Variants in CDH18 observed in about 807,000 individuals in gnomAD.
CDH18 encodes the protein cadherin-18.
A neutral mutation model predicts 67.9 loss-of-function variants in CDH18; 31 were observed. The observed-to-expected ratio is 0.46, with a 90% CI of 0.34 to 0.62. The LOEUF (loss-of-function observed/expected upper bound fraction) is 0.62. Among genes scored for constraint, CDH18 ranks in the 20% least tolerant of loss-of-function variants. CDH18 has a pLI of 0.01. For synonymous variants in CDH18, 362 were observed against 347.2 expected (o/e 1.04, Z -0.48); for missense variants, 890 against 975.5 (o/e 0.91, Z 1.17).
At chr5:20,535,756 TCTCA>T (rs771372949) in intron 1 of CDH18, among the ~76,000 whole-genome samples, 4 of 152,148 alleles carry the variant, frequency 2.6e-5, no homozygotes, top group Non-Finnish European at 5.9e-5. Flanking sequence ...AGTAGCTTCC[TCTCA>T]CTCACATGCA....
chr5:19,577,281 T>A (rs896940430), intron 7 of CDH18, among the ~76,000 whole-genome samples: 1 of 152,220 alleles, frequency 6.6e-6, no homozygotes, highest in African/African-American at 2.4e-5. Context: ...ATATTTGAAG[T>A]AACAGACATG....
At chr5:20,343,614 C>A (rs572161175) in intron 1 of CDH18, among the ~76,000 whole-genome samples, 46 of 152,156 alleles carry the variant, frequency 3.0e-4, no homozygotes, top group Non-Finnish European at 2.9e-5. Context: ...CAATGGTCAC[C>A]CTGAATGACA....
chr5:20,523,688 T>A (rs550029569), intron 1 of CDH18, among the ~76,000 whole-genome samples: 1 of 152,186 alleles, frequency 6.6e-6, no homozygotes, highest in East Asian at 1.9e-4. Flanking sequence ...TACAGGCATG[T>A]GCCAGCACGC....
chr5:19,478,785 A>G (rs1166577133), intron 12 of CDH18: 1 of 152,228 alleles, frequency 6.6e-6, no homozygotes, highest in Non-Finnish European at 1.5e-5. Context: ...GAGATGGGGT[A>G]AAGTTGGGAA....
At chr5:20,216,078 A>G (rs574522357) in intron 2 of CDH18, among the ~76,000 whole-genome samples, 4 of 151,944 alleles carry the variant, frequency 2.6e-5, no homozygotes, top group Admixed American at 2.0e-4. Context: ...CCCCCATGAC[A>G]CTGTTTGACA....
intron 2 of CDH18, among the ~76,000 whole-genome samples, chr5:20,129,538 C>T (rs2126465771): frequency 6.6e-6 from 1 of 152,092 alleles, no homozygotes; most frequent in South Asian, 2.1e-4. Flanking sequence ...GTTCCTTTAT[C>T]CAAAGAAATG....
At chr5:19,612,392 A>G in intron 6 of CDH18, 42 bp downstream of exon 6, 1 of 1,585,570 alleles carries the variant, frequency 6.3e-7, no homozygotes, top group Non-Finnish European at 8.7e-7. Context: ...CTTTACATAA[A>G]GAGATAATGA....
rs767981547 is a variant in CDH18, at chr5:20,529,824, G to A, written c.-580+45638C>T. 1.3e-4 allele frequency among the ~76,000 whole-genome samples: 20 copies of A among 151,922 alleles called. No individual in the cohort carries two copies. In the East Asian group the frequency reaches 1.6e-3, roughly 12 times the overall value. Reference sequence around the variant, plus strand: ...GTTGGAAACATTCCCCTTGAAAACCGGCAAAAGACAAGGATGCTGTCTCTC... The same window carrying A: ...GTTGGAAACATTCCCCTTGAAAACCAGCAAAAGACAAGGATGCTGTCTCTC... On this transcript the variant is annotated intron_variant, in intron 1 of 14. Transcript: ENST00000507958.
intron 10 of CDH18, among the ~76,000 whole-genome samples, chr5:19,516,149 AT>A (rs1357382928): frequency 6.6e-6 from 1 of 152,076 alleles, no homozygotes; most frequent in Admixed American, 6.6e-5. Context: ...GATGGATTAC[AT>A]TTATTGATTT....
At chr5:19,662,605 T>C (rs1757333942) in intron 5 of CDH18, among the ~76,000 whole-genome samples, 2 of 152,066 alleles carry the variant, frequency 1.3e-5, no homozygotes, top group South Asian at 4.1e-4. Flanking sequence ...TCTAACTATC[T>C]AGTCTGTCTT....
chr5:20,337,029 A>G (rs1024197945), intron 1 of CDH18, among the ~76,000 whole-genome samples: 2 of 152,140 alleles, frequency 1.3e-5, no homozygotes, highest in African/African-American at 4.8e-5. Context: ...AAGCCCATAG[A>G]AGACTTCCTG....
At chr5:19,951,236 G>A (rs992705406) in intron 2 of CDH18, among the ~76,000 whole-genome samples, 1 of 152,056 alleles carries the variant, frequency 6.6e-6, no homozygotes, top group African/African-American at 2.4e-5. Flanking sequence ...CTCTGGGTAA[G>A]GCACTTAAAT....
intron 1 of CDH18, among the ~76,000 whole-genome samples, chr5:20,431,487 C>CAAAAAAAAAAAAAAAAAA (rs560015111): frequency 1.5e-5 from 1 of 66,230 alleles, no homozygotes; most frequent in African/African-American, 5.8e-5. Flanking sequence ...GAGTGAAACT[C>CAAAAAAAAAAAAAAAAAA]AAAAAAAAAA....
intron 5 of CDH18, among the ~76,000 whole-genome samples, chr5:19,643,360 TTTTGAG>T (rs1414486584): frequency 5.9e-5 from 9 of 152,128 alleles, no homozygotes; most frequent in Non-Finnish European, 1.0e-4. Context: ...GAAATCAATA[TTTTGAG>T]AAGATAACTA....
At chr5:19,534,263 A>T (rs1005619414) in intron 9 of CDH18, among the ~76,000 whole-genome samples, 2 of 152,074 alleles carry the variant, frequency 1.3e-5, no homozygotes, top group Non-Finnish European at 2.9e-5. Context: ...TGTATTAAAT[A>T]CATTTTTAAG....
intron 2 of CDH18, among the ~76,000 whole-genome samples, chr5:19,976,835 A>T (rs1798552969): frequency 6.6e-6 from 1 of 152,170 alleles, no homozygotes; most frequent in Non-Finnish European, 1.5e-5. Context: ...GGCAAAAATA[A>T]AGACAAGAAC....
At chr5:20,197,647 C>G (rs1401342071) in intron 2 of CDH18, among the ~76,000 whole-genome samples, 1 of 152,146 alleles carries the variant, frequency 6.6e-6, no homozygotes, top group East Asian at 1.9e-4. Context: ...TTGCAGAGTC[C>G]TGAAATTTTG....
chr5:19,714,649 A>T (rs1269929919), intron 5 of CDH18, among the ~76,000 whole-genome samples: 2 of 151,994 alleles, frequency 1.3e-5, no homozygotes, highest in African/African-American at 4.8e-5. Context: ...TTATTTTTAA[A>T]TGTTTCTACA....
intron 1 of CDH18, among the ~76,000 whole-genome samples, chr5:20,488,063 A>G (rs1753318356): frequency 6.6e-6 from 1 of 152,062 alleles, no homozygotes; most frequent in Non-Finnish European, 1.5e-5. Context: ...TCTTTCTTGC[A>G]GTTCTGAAAA....
Sources: allele counts gnomAD v4.1 joint callset (sites outside exome capture counted in the v4.1 genomes callset), GRCh38; gene constraint gnomAD v4.1.1; transcripts MANE v1.5; gene names NCBI Gene and HGNC (gene_info 2026-07-23, HGNC 2026-07-21).